Variants in NTN4 observed in about 807,000 individuals in gnomAD.
The protein encoded by NTN4 is netrin 4.
NTN4 carries 32 observed loss-of-function variants against 73.6 expected under a neutral mutation model. The ratio of observed to expected loss-of-function variants is 0.44; its 90% CI spans 0.33 to 0.58. NTN4 has a LOEUF of 0.58. Ranked by LOEUF, NTN4 falls within the 20% of genes least tolerant of loss-of-function variation. The pLI, the probability that NTN4 is intolerant of heterozygous loss-of-function variation, is 0.04. For missense variants in NTN4, 654 were observed against 798.3 expected (o/e 0.82, Z 2.18); for synonymous variants, 258 against 287.5 (o/e 0.90, Z 1.04).
At chr12:95,705,888 C>T (rs983952028) in intron 5 of NTN4, among the ~76,000 whole-genome samples, 1 of 152,182 alleles carries the variant, frequency 6.6e-6, no homozygotes, top group Non-Finnish European at 1.5e-5. Flanking sequence ...CACATAGTAG[C>T]ACTGAGTAAG....
intron 2 of NTN4, among the ~76,000 whole-genome samples, chr12:95,765,101 A>C (rs1565912800): frequency 6.6e-6 from 1 of 152,248 alleles, no homozygotes; most frequent in African/African-American, 2.4e-5. Flanking sequence ...AGTTTTGATA[A>C]GACATTTTAC....
intron 2 of NTN4, among the ~76,000 whole-genome samples, 189 bp from the exon 3 acceptor site, chr12:95,738,333 C>T (rs2078797279): frequency 6.6e-6 from 1 of 152,152 alleles, no homozygotes; most frequent in Non-Finnish European, 1.5e-5. Context: ...GATGTGCTGC[C>T]TGTTTGTACA....
intron 5 of NTN4, among the ~76,000 whole-genome samples, chr12:95,700,802 C>T: frequency 7.4e-6 from 1 of 135,500 alleles, no homozygotes. Context: ...TTTCTTTTTT[C>T]TTTCTTTCTT....
intron 5 of NTN4, among the ~76,000 whole-genome samples, chr12:95,689,248 AT>A (rs1467163437): frequency 6.6e-6 from 1 of 152,200 alleles, no homozygotes; most frequent in African/African-American, 2.4e-5. Context: ...AATAATAATA[AT>A]TCTAATGTTT....
In NTN4 at chr12:95,787,450, C is replaced by T; in HGVS notation, c.74G>A (p.Gly25Glu). 1 of 1,613,954 alleles carries T rather than the reference C, an allele frequency of 6.2e-7. No individual in the cohort carries two copies. Among genetic ancestry groups the T allele is most frequent in the Non-Finnish European group, 8.5e-7 (1 of 1,179,972 alleles). ...VVAAGLSGVA[G>E]VSSRCEKACN... ...GGCTTTTTCACAGCGGGAACTCACT[C>T]CAGCTACTCCACTCAGTCCTAAGAA... Residue 25 changes from glycine to glutamate, a missense_variant, in exon 2 of 10, where the codon GGA becomes GAA. By Grantham distance (98) the Gly-to-Glu change is moderately conservative. Transcript: ENST00000343702.
chr12:95,727,291 G>A (rs1344962308), intron 3 of NTN4, among the ~76,000 whole-genome samples: 1 of 152,036 alleles, frequency 6.6e-6, no homozygotes, highest in Non-Finnish European at 1.5e-5. Context: ...TTGTTTTGTT[G>A]TTGAGTTGTA....
At position 95,790,491 on chromosome 12, in the gene NTN4, C is replaced by A; in HGVS notation, c.-182G>T. 1 of 481,446 alleles carries A rather than the reference C, an allele frequency of 2.1e-6. No homozygotes were observed. The highest frequency in any genetic ancestry group is 3.6e-6 in the Non-Finnish European group (1 of 280,638). The allele number at this position is 481,446 out of a possible 1,614,324, so 29.8% of individuals were successfully genotyped here. ...CTGGGAGCCAGGGGCCGGGACCGCGCGGGGAGGTGGGGTGACCCTCGCGCA... is the reference window on the plus strand; with the variant it reads ...CTGGGAGCCAGGGGCCGGGACCGCGAGGGGAGGTGGGGTGACCCTCGCGCA... On this transcript the variant is annotated 5_prime_UTR_variant, in exon 1 of 10. Transcript: ENST00000343702. The surrounding 1 kb of genome is among the most constrained non-coding windows in gnomAD (Gnocchi z 6.5).
intron 2 of NTN4, among the ~76,000 whole-genome samples, chr12:95,747,091 T>C (rs2078868122): frequency 6.6e-6 from 1 of 152,132 alleles, no homozygotes; most frequent in African/African-American, 2.4e-5. Flanking sequence ...AAATGGCATA[T>C]TGGATGTTTT....
At chr12:95,694,603 T>A (rs1213281475) in intron 5 of NTN4, among the ~76,000 whole-genome samples, 1 of 152,188 alleles carries the variant, frequency 6.6e-6, no homozygotes, top group Non-Finnish European at 1.5e-5. Flanking sequence ...TTTATCTTTT[T>A]TTTCTTTTTG....
At chr12:95,757,664 AAAG>A (rs1262211466) in intron 2 of NTN4, among the ~76,000 whole-genome samples, 5 of 150,370 alleles carry the variant, frequency 3.3e-5, no homozygotes, top group Admixed American at 6.7e-5. Flanking sequence ...TAGAGCTCAG[AAAG>A]AAGAAGAGCC....
chr12:95,683,640 C>T lies in NTN4; in HGVS notation c.1252G>A (p.Gly418Ser), dbSNP rs1007538191. 2 of 1,614,114 alleles carry T rather than the reference C, an allele frequency of 1.2e-6. No individual in the cohort carries two copies. The highest frequency in any genetic ancestry group is 1.7e-6 in the Non-Finnish European group (2 of 1,179,996). ...ACCCCAGGCTTGCAAGGGCAGTCAC[C>T]ATTGCTGGGGTCGCAGAAGGTCACT... ...NSVTFCDPSN[G>S]DCPCKPGVAG... Residue 418 changes from glycine (G) to serine (S), a missense_variant, in exon 6 of 10, where the codon GGT (glycine) becomes AGT (serine). By Grantham distance (56) the Gly-to-Ser change is moderately conservative. Coordinates refer to ENST00000343702, the MANE Select transcript of NTN4 (RefSeq NM_021229.4).
chr12:95,670,036 T>C lies in NTN4; in HGVS notation c.1579+42A>G, dbSNP rs769032060. On this transcript the variant is annotated intron_variant, in intron 8 of 9. Transcript: ENST00000343702. ...TTTCTTAAAAATTCTCTGAACTTAGTGTGAATAGGTTCTCAGAAGCATTCA... is the reference window on the plus strand; with the variant it reads ...TTTCTTAAAAATTCTCTGAACTTAGCGTGAATAGGTTCTCAGAAGCATTCA... 3.3e-6 allele frequency: 4 copies of C among 1,208,572 alleles called. No homozygotes were observed. The Admixed American group carries it at 6.5e-5, about 20-fold the overall frequency. 74.9% of individuals were successfully genotyped at this position (1,208,572 alleles called of 1,614,324 possible).
chr12:95,729,947 G>A lies in NTN4; in HGVS notation c.864+7919C>T, dbSNP rs373649333. Among the ~76,000 whole-genome samples the A allele has an allele frequency of 1.2e-4, 19 of 152,142 alleles. No homozygotes were observed. The East Asian group carries it at 2.1e-3, about 17-fold the overall frequency. Reference sequence around the variant, plus strand: ...ATTATATTAGCAGTGAAATTGGAAGGCCAGGTCTTCCAGACACAGAGATCT... The same window carrying A: ...ATTATATTAGCAGTGAAATTGGAAGACCAGGTCTTCCAGACACAGAGATCT... On this transcript the variant is annotated intron_variant, in intron 3 of 9. Coordinates refer to ENST00000343702, the MANE Select transcript of NTN4 (RefSeq NM_021229.4).
intron 3 of NTN4, among the ~76,000 whole-genome samples, chr12:95,736,290 A>G (rs1048578566): frequency 6.6e-6 from 1 of 152,046 alleles, no homozygotes; most frequent in African/African-American, 2.4e-5. Flanking sequence ...GTTGTGGTTG[A>G]TCAGAGCCAT....
At chr12:95,720,733 G>A (rs1215945262) in intron 3 of NTN4, among the ~76,000 whole-genome samples, 1 of 152,086 alleles carries the variant, frequency 6.6e-6, no homozygotes, top group African/African-American at 2.4e-5. Flanking sequence ...ACCTGGGCAA[G>A]GCATGTTGAT....
intron 2 of NTN4, among the ~76,000 whole-genome samples, chr12:95,742,868 G>A (rs1167857269): frequency 1.3e-5 from 2 of 152,156 alleles, no homozygotes; most frequent in Non-Finnish European, 2.9e-5. Flanking sequence ...ATTTCTCCAA[G>A]TATCATTCTA....
chr12:95,765,188 C>A (rs1207299686), intron 2 of NTN4, among the ~76,000 whole-genome samples: 1 of 152,218 alleles, frequency 6.6e-6, no homozygotes, highest in Non-Finnish European at 1.5e-5. Flanking sequence ...TTATCTTGTA[C>A]TTGACATTCA....
intron 3 of NTN4, among the ~76,000 whole-genome samples, chr12:95,723,258 A>G (rs192595864): frequency 6.6e-6 from 1 of 151,436 alleles, no homozygotes; most frequent in African/African-American, 2.4e-5. Flanking sequence ...TCGGGGAAAA[A>G]TAGTGAAAGA....
chr12:95,673,027 G>T, intron 7 of NTN4: 2 of 1,465,962 alleles, frequency 1.4e-6, no homozygotes, highest in South Asian at 2.3e-5. Flanking sequence ...CCTGTGTAAA[G>T]CCATGGAAGC....
Sources: gnomAD v4.1 joint callset for allele counts (sites outside exome capture counted in the v4.1 genomes callset) on GRCh38, gnomAD v4.1.1 for gene constraint, Gnocchi (gnomAD v3.1) non-coding constraint, MANE v1.5 for transcripts, NCBI Gene and HGNC (gene_info 2026-07-23, HGNC 2026-07-21) for gene names.